Variants in TMCO6 observed in about 807,000 individuals in gnomAD.
TMCO6 encodes the protein transmembrane and coiled-coil domain-containing protein 6.
In TMCO6, 47 loss-of-function variants were observed where a neutral mutation model predicts 61.8. The observed-to-expected ratio is 0.76, with a 90% CI of 0.60 to 0.97. TMCO6 has a LOEUF of 0.97. TMCO6 is among the 50% of genes least tolerant of loss of function. The pLI, the probability that TMCO6 is intolerant of heterozygous loss-of-function variation, is 0.00. For synonymous variants in TMCO6, 261 were observed against 254.2 expected, an observed-to-expected ratio of 1.03 and a Z score of -0.25; for missense variants, 557 against 601.6, an observed-to-expected ratio of 0.93 and a Z score of 0.78.
At chr5:140,598,126 T>G in the TMCO6 span, among the ~76,000 whole-genome samples, 1 of 152,182 alleles carries the variant, frequency 6.6e-6, no homozygotes, top group African/African-American at 2.4e-5. Context: ...CATACCCTCA[T>G]GAAAACATTT....
upstream of TMCO6, chr5:140,638,668 T>C (rs1756843739): frequency 6.6e-6 from 1 of 151,834 alleles, no homozygotes; most frequent in Admixed American, 6.6e-5. Flanking sequence ...ACGATTCTCC[T>C]GCCTCAGGCT....
At chr5:140,632,181 C>G in the TMCO6 span, 3 of 1,613,928 alleles carry the variant, frequency 1.9e-6, no homozygotes, top group Non-Finnish European at 2.5e-6. This position sits in a 1 kb window ranked among gnomAD's most constrained non-coding sequence, Gnocchi z 6.2. Flanking sequence ...TCTCGGAGCG[C>G]TAGGGTTTAC....
the TMCO6 span, chr5:140,632,847 G>A: frequency 6.2e-7 from 1 of 1,614,090 alleles, no homozygotes; most frequent in Non-Finnish European, 8.5e-7. The surrounding 1 kb of genome is among the most constrained non-coding windows in gnomAD (Gnocchi z 6.2). Flanking sequence ...GAAGGCTTCG[G>A]ACCAGTCGGG....
At chr5:140,598,189 T>A in the TMCO6 span, among the ~76,000 whole-genome samples, 1 of 152,014 alleles carries the variant, frequency 6.6e-6, no homozygotes, top group Non-Finnish European at 1.5e-5. Flanking sequence ...GATTTTTAAA[T>A]TTTATTTTCT....
upstream of TMCO6, among the ~76,000 whole-genome samples, chr5:140,636,308 C>T (rs960074180): frequency 1.3e-5 from 2 of 151,806 alleles, no homozygotes; most frequent in African/African-American, 2.4e-5. Context: ...AAGTGTGGGT[C>T]TTAGAAGCTA....
the TMCO6 span, among the ~76,000 whole-genome samples, chr5:140,613,894 G>T: frequency 0.53 from 76,378 of 143,094 alleles, 20,559 homozygotes; most frequent in African/African-American, 0.6. Flanking sequence ...GTTTTTTTTT[G>T]TTGTTGTTGT....
At chr5:140,612,408 C>G in the TMCO6 span, among the ~76,000 whole-genome samples, 1 of 142,554 alleles carries the variant, frequency 7.0e-6, no homozygotes, top group South Asian at 2.1e-4. Context: ...GGTGCTATCT[C>G]GGCTCACTGC....
At chr5:140,603,681 T>C in the TMCO6 span, among the ~76,000 whole-genome samples, 1 of 151,848 alleles carries the variant, frequency 6.6e-6, no homozygotes, top group Non-Finnish European at 1.5e-5. Flanking sequence ...ATTTGGGGTT[T>C]TTTTTTGCTG....
upstream of TMCO6, among the ~76,000 whole-genome samples, chr5:140,638,565 CTT>C (rs112303526): frequency 1.0e-3 from 90 of 89,226 alleles, no homozygotes; most frequent in African/African-American, 3.4e-3. Flanking sequence ...TTCTTTCTTT[CTT>C]TTTTTTTTTT....
At chr5:140,608,322 C>G in the TMCO6 span, among the ~76,000 whole-genome samples, 1 of 152,138 alleles carries the variant, frequency 6.6e-6, no homozygotes, top group Non-Finnish European at 1.5e-5. Flanking sequence ...GCTATTCAAG[C>G]CCTTTTCCCA....
chr5:140,644,709 T>C lies in TMCO6; in HGVS notation c.1337T>C (p.Leu446Pro). The C allele has an allele frequency of 6.2e-7, 1 of 1,614,232 alleles. No homozygotes were observed. The highest frequency in any genetic ancestry group is 8.5e-7 in the Non-Finnish European group (1 of 1,180,038). Residue 446 changes from leucine to proline, a missense_variant, in exon 11 of 12, where the codon CTG becomes CCG. Coordinates refer to ENST00000394671, the MANE Select transcript of TMCO6 (RefSeq NM_018502.5). ...DTEVVGQSLE[L>P]LHLLFLYQPE... is the part of the protein sequence containing the mutation. ...GAAGTAGTAGGCCAGAGTTTGGAGC[T>C]GCTGCATCTGCTGTTCCTGTATCAG... is the stretch of plus-strand genomic sequence containing the variant.
chr5:140,636,796 T>C (rs976722602), upstream of TMCO6, among the ~76,000 whole-genome samples: 1 of 152,198 alleles, frequency 6.6e-6, no homozygotes, highest in Non-Finnish European at 1.5e-5. Flanking sequence ...GGGAAAGAAA[T>C]TGGTTTTAAG....
chr5:140,601,894 C>T, the TMCO6 span, among the ~76,000 whole-genome samples: 1 of 152,206 alleles, frequency 6.6e-6, no homozygotes, highest in Non-Finnish European at 1.5e-5. Context: ...CTGGCACATA[C>T]TAAGCAGTAT....
chr5:140,637,352 A>G (rs1158027834), upstream of TMCO6, among the ~76,000 whole-genome samples: 1 of 152,230 alleles, frequency 6.6e-6, no homozygotes, highest in Non-Finnish European at 1.5e-5. Flanking sequence ...GGCACTCCAC[A>G]TTTGGTGAAA....
chr5:140,621,429 C>G, the TMCO6 span, among the ~76,000 whole-genome samples: 103 of 152,318 alleles, frequency 6.8e-4, 1 homozygote, highest in Admixed American at 2.7e-3. Flanking sequence ...CTTATCACTT[C>G]CCCAGTCAAT....
At chr5:140,601,309 G>A in the TMCO6 span, among the ~76,000 whole-genome samples, 428 of 152,268 alleles carry the variant, frequency 2.8e-3, 1 homozygote, top group African/African-American at 9.6e-3. Flanking sequence ...GGTATGGGGT[G>A]GTGGTGGTAG....
the TMCO6 span, among the ~76,000 whole-genome samples, chr5:140,608,615 G>C: frequency 6.6e-6 from 1 of 152,144 alleles, no homozygotes; most frequent in African/African-American, 2.4e-5. Context: ...TTTCTTCTAA[G>C]AGCTTTATGG....
In TMCO6 at chr5:140,640,396, AT is replaced by A. The variant is rs895606837; in HGVS notation, c.198+553del. On this transcript the variant is annotated intron_variant, in intron 2 of 11. Transcript: ENST00000394671. ...TTTTGGTATTCTGTCTTGAGAGCCTATTTTTTTTCTTTTCTTTTCTTTTTTT... is the reference window on the plus strand; with the variant it reads ...TTTTGGTATTCTGTCTTGAGAGCCTATTTTTTTCTTTTCTTTTCTTTTTTT... Among the ~76,000 whole-genome samples the A allele has an allele frequency of 2.8e-5, 4 of 142,298 alleles. No homozygotes were observed. The Middle Eastern group carries it at 0.011, about 392-fold the overall frequency. 93.4% of individuals were successfully genotyped at this position (142,298 alleles called of 152,430 possible).
At chr5:140,632,592 G>C in the TMCO6 span, 5 of 1,613,998 alleles carry the variant, frequency 3.1e-6, no homozygotes, top group Non-Finnish European at 4.2e-6. This position sits in a 1 kb window ranked among gnomAD's most constrained non-coding sequence, Gnocchi z 6.2. Flanking sequence ...CGGAGGCATG[G>C]TGCCGGTTAT....
Sources: allele counts gnomAD v4.1 joint callset (sites outside exome capture counted in the v4.1 genomes callset), GRCh38; gene constraint gnomAD v4.1.1; non-coding constraint Gnocchi (gnomAD v3.1); transcripts MANE v1.5; gene names NCBI Gene and HGNC (gene_info 2026-07-23, HGNC 2026-07-21).